The following TENM2 variants were observed in gnomAD, a reference collection of about 807,000 sequenced individuals.
TENM2 encodes teneurin transmembrane protein 2.
In TENM2, 52 loss-of-function variants were observed where a neutral mutation model predicts 245.2. That is an observed-to-expected ratio of 0.21 (90% CI 0.17 to 0.27). The LOEUF (loss-of-function observed/expected upper bound fraction) is 0.27, where lower values mean the gene tolerates loss of function less well. TENM2 is among the 10% of genes least tolerant of loss of function. The pLI is 1.00. For synonymous variants in TENM2, 1,363 were observed against 1,438.9 expected, an observed-to-expected ratio of 0.95 and a Z score of 1.19; for missense variants, 3,046 against 3,666.8, an observed-to-expected ratio of 0.83 and a Z score of 4.37.
At chr5:168,084,054 T>A (rs891105087) in intron 7 of TENM2, among the ~76,000 whole-genome samples, 1 of 152,260 alleles carries the variant, frequency 6.6e-6, no homozygotes, top group African/African-American at 2.4e-5. Context: ...TTCCTTAGAA[T>A]GATGGCCTCC....
At chr5:167,728,773 G>A (rs1005697973) in intron 2 of TENM2, 1 of 152,598 alleles carries the variant, frequency 6.6e-6, no homozygotes, top group Admixed American at 6.5e-5. Flanking sequence ...ATCAGCTCCT[G>A]GAGACAATGT....
intron 4 of TENM2, among the ~76,000 whole-genome samples, chr5:167,990,635 C>G (rs550170740): frequency 7.0e-4 from 106 of 152,290 alleles, no homozygotes; most frequent in South Asian, 6.6e-3. Flanking sequence ...GCCTAGCTTC[C>G]TCTTCCAAAA....
chr5:167,240,447 A>G, the TENM2 span, among the ~76,000 whole-genome samples: 1 of 151,806 alleles, frequency 6.6e-6, no homozygotes, highest in Non-Finnish European at 1.5e-5. Context: ...CTTTTACCTC[A>G]TGTGTATCAG....
At chr5:167,807,473 T>G (rs575173917) in intron 2 of TENM2, among the ~76,000 whole-genome samples, 1 of 152,098 alleles carries the variant, frequency 6.6e-6, no homozygotes, top group East Asian at 1.9e-4. Context: ...CAGGAGTAAA[T>G]AAAATGAGAA....
At chr5:168,262,310 A>G (rs1393439811) in exon 29 of TENM2, 1 of 1,610,654 alleles carries the variant, frequency 6.2e-7, no homozygotes, top group Admixed American at 1.7e-5. Flanking sequence ...CCTGGACAAG[A>G]TGCACTACAG....
intron 1 of TENM2, among the ~76,000 whole-genome samples, chr5:167,351,594 G>A (rs1204792884): frequency 6.6e-6 from 1 of 152,204 alleles, no homozygotes; most frequent in African/African-American, 2.4e-5. Flanking sequence ...CTCAGGCTAA[G>A]TCTCAAAGCA....
At chr5:167,708,299 A>G (rs1327048424) in intron 2 of TENM2, among the ~76,000 whole-genome samples, 2 of 152,184 alleles carry the variant, frequency 1.3e-5, no homozygotes, top group Admixed American at 1.3e-4. Context: ...TTTTAGATAC[A>G]AATATACTGT....
At chr5:167,376,590 C>G (rs1321825860) in intron 2 of TENM2, among the ~76,000 whole-genome samples, 3 of 152,100 alleles carry the variant, frequency 2.0e-5, no homozygotes, top group Admixed American at 6.6e-5. Flanking sequence ...AAAGATGTCA[C>G]TTTTTTGAAT....
At chr5:167,689,976 G>A (rs1273013359) in intron 2 of TENM2, among the ~76,000 whole-genome samples, 2 of 151,900 alleles carry the variant, frequency 1.3e-5, no homozygotes, top group Non-Finnish European at 2.9e-5. Flanking sequence ...TGTTAATTTT[G>A]CTTTCAGTGT....
At chr5:167,259,221 T>A in the TENM2 span, among the ~76,000 whole-genome samples, 1 of 152,114 alleles carries the variant, frequency 6.6e-6, no homozygotes, top group African/African-American at 2.4e-5. Flanking sequence ...ATGCGAATGA[T>A]GGAACAGAGT....
chr5:167,627,081 A>G (rs1778558691), intron 2 of TENM2, among the ~76,000 whole-genome samples: 1 of 152,224 alleles, frequency 6.6e-6, no homozygotes, highest in African/African-American at 2.4e-5. Flanking sequence ...AGCCTCTATA[A>G]AAATGGCAAA....
At chr5:168,012,373 A>C (rs1184244899) in intron 5 of TENM2, among the ~76,000 whole-genome samples, 3 of 152,188 alleles carry the variant, frequency 2.0e-5, no homozygotes, top group Admixed American at 2.0e-4. Context: ...CCAGGCACAG[A>C]GGCTCACACT....
intron 27 of TENM2, among the ~76,000 whole-genome samples, chr5:168,256,851 T>C (rs1206216491): frequency 6.6e-6 from 1 of 152,204 alleles, no homozygotes; most frequent in African/African-American, 2.4e-5. Context: ...AGGGTTCTTA[T>C]ATATCCATAT....
chr5:167,417,828 G>C (rs112088151), intron 2 of TENM2, among the ~76,000 whole-genome samples: 5,758 of 152,202 alleles, frequency 0.038, 221 homozygotes, highest in African/African-American at 0.099. Context: ...TGGTTGTGTT[G>C]CTGTTTCCCT....
chr5:167,151,611 C>T, the TENM2 span, among the ~76,000 whole-genome samples: 15 of 152,058 alleles, frequency 9.9e-5, no homozygotes, highest in Admixed American at 3.3e-4. Flanking sequence ...TTCCACCTCC[C>T]GGGTTCATGC....
At position 168,180,408 on chromosome 5, in the gene TENM2, T is replaced by TCCTCC. The variant is rs553230533; in HGVS notation, c.2570-9922_2570-9918dup. Among the ~76,000 whole-genome samples, 11 of 152,346 alleles carry TCCTCC rather than the reference T, an allele frequency of 7.2e-5. No individual in the cohort carries two copies. The South Asian group carries it at 2.3e-3, about 32-fold the overall frequency. ...CTCCCAAATTACATTTGATGGCAGA[T>TCCTCC]CCTCCCCTCCCACCTCCACTTTTGT... On this transcript the variant is annotated intron_variant, in intron 13 of 28. Transcript: ENST00000518659.
chr5:167,865,675 G>A (rs910083671), intron 2 of TENM2, among the ~76,000 whole-genome samples: 1 of 152,150 alleles, frequency 6.6e-6, no homozygotes, highest in African/African-American at 2.4e-5. Context: ...TTCTCTTGGA[G>A]ACTGACATGT....
intron 2 of TENM2, among the ~76,000 whole-genome samples, chr5:167,640,860 CATATATATATATATATATATAT>C (rs58985992): frequency 0.085 from 4,043 of 47,442 alleles, 406 homozygotes; most frequent in African/African-American, 0.17. Context: ...TATATATATC[CATATATATATATATATATATAT>C]ATATATATAT....
intron 9 of TENM2, among the ~76,000 whole-genome samples, chr5:168,109,748 A>G (rs1477447319): frequency 1.3e-5 from 2 of 152,116 alleles, no homozygotes; most frequent in African/African-American, 2.4e-5. Context: ...TTGCCCTTGA[A>G]CTTTGCTTGG....
Sources: allele counts gnomAD v4.1 joint callset (sites outside exome capture counted in the v4.1 genomes callset), GRCh38; gene constraint gnomAD v4.1.1; transcripts MANE v1.5; gene names NCBI Gene and HGNC (gene_info 2026-07-23, HGNC 2026-07-21).